The following SLC24A3 variants were observed in gnomAD, a reference collection of about 807,000 sequenced individuals.
The protein encoded by SLC24A3 is sodium/potassium/calcium exchanger 3.
SLC24A3 carries 28 observed loss-of-function variants against 75.8 expected under a neutral mutation model. The observed-to-expected ratio is 0.37, with a 90% confidence interval of 0.27 to 0.51. The LOEUF (loss-of-function observed/expected upper bound fraction) is 0.51. Among genes scored for constraint, SLC24A3 ranks in the 20% least tolerant of loss-of-function variants. SLC24A3 has a pLI of 0.94. For synonymous variants in SLC24A3, 372 were observed against 334.1 expected, an observed-to-expected ratio of 1.11 and a Z score of -1.24; for missense variants, 663 against 847.8, an observed-to-expected ratio of 0.78 and a Z score of 2.71.
At chr20:19,654,158 A>G (rs1235820127) in intron 7 of SLC24A3, 22 bp downstream of exon 7, 1 of 1,608,794 alleles carries the variant, frequency 6.2e-7, no homozygotes, top group Non-Finnish European at 8.5e-7. Flanking sequence ...TGGCCATTTC[A>G]GCTCCCATCA....
intron 2 of SLC24A3, among the ~76,000 whole-genome samples, chr20:19,361,254 G>A (rs1985782645): frequency 6.6e-6 from 1 of 152,204 alleles, no homozygotes; most frequent in Admixed American, 6.5e-5. Flanking sequence ...TGGAAATGAG[G>A]CTGCTGGATA....
At chr20:19,677,908 C>A (rs1035423861) in intron 9 of SLC24A3, among the ~76,000 whole-genome samples, 4 of 151,410 alleles carry the variant, frequency 2.6e-5, no homozygotes, top group Admixed American at 6.6e-5. Flanking sequence ...GGTGATGACT[C>A]TTAACGAGCA....
chr20:19,668,577 A>C (rs1471207924), intron 8 of SLC24A3, among the ~76,000 whole-genome samples: 1 of 152,354 alleles, frequency 6.6e-6, no homozygotes, highest in African/African-American at 2.4e-5. Flanking sequence ...TCGAAACTAC[A>C]GTACTCTTTA....
At chr20:19,307,748 A>G (rs1278568944) in intron 2 of SLC24A3, among the ~76,000 whole-genome samples, 3 of 152,206 alleles carry the variant, frequency 2.0e-5, no homozygotes, top group Admixed American at 6.5e-5. Flanking sequence ...CAGCACGTGT[A>G]TCCCAGAACT....
chr20:19,355,820 A>G (rs1985670383), intron 2 of SLC24A3, among the ~76,000 whole-genome samples: 1 of 152,210 alleles, frequency 6.6e-6, no homozygotes, highest in Non-Finnish European at 1.5e-5. Context: ...TGCCTGCTAC[A>G]TTGTAATGGG....
At chr20:19,473,748 T>C (rs1987913912) in intron 2 of SLC24A3, among the ~76,000 whole-genome samples, 1 of 152,206 alleles carries the variant, frequency 6.6e-6, no homozygotes, top group African/African-American at 2.4e-5. Flanking sequence ...GCCACTGCTA[T>C]GCAGAGGCTG....
At chr20:19,607,445 G>A (rs1262170688) in intron 6 of SLC24A3, among the ~76,000 whole-genome samples, 1 of 152,286 alleles carries the variant, frequency 6.6e-6, no homozygotes, top group Admixed American at 6.5e-5. Context: ...ACAAATGGGT[G>A]CCAGATCTTT....
chr20:19,447,328 T>A (rs1987403972), intron 2 of SLC24A3, among the ~76,000 whole-genome samples: 1 of 152,024 alleles, frequency 6.6e-6, no homozygotes, highest in African/African-American at 2.4e-5. Context: ...GGGCGTGGTG[T>A]CAAATTCCTG....
At chr20:19,490,667 A>G (rs1309239128) in intron 2 of SLC24A3, among the ~76,000 whole-genome samples, 1 of 152,226 alleles carries the variant, frequency 6.6e-6, no homozygotes, top group Non-Finnish European at 1.5e-5. Context: ...GTTAAAAAAT[A>G]AACACCATTC....
chr20:19,321,001 T>A (rs1390253514), intron 2 of SLC24A3, among the ~76,000 whole-genome samples: 1 of 152,130 alleles, frequency 6.6e-6, no homozygotes, highest in Non-Finnish European at 1.5e-5. Flanking sequence ...CATACATACA[T>A]ATGCATGTAT....
chr20:19,353,830 TC>T (rs2122328822), intron 2 of SLC24A3, among the ~76,000 whole-genome samples: 1 of 152,342 alleles, frequency 6.6e-6, no homozygotes, highest in African/African-American at 2.4e-5. Flanking sequence ...CCAAGTCTTG[TC>T]AAGGATGTGA....
At chr20:19,262,605 A>G (rs1983029578) in intron 1 of SLC24A3, among the ~76,000 whole-genome samples, 1 of 152,064 alleles carries the variant, frequency 6.6e-6, no homozygotes. Context: ...TTGTGCTACA[A>G]TGATGATGGC....
At chr20:19,614,855 T>C (rs951109093) in intron 6 of SLC24A3, among the ~76,000 whole-genome samples, 4 of 152,204 alleles carry the variant, frequency 2.6e-5, no homozygotes, top group African/African-American at 7.2e-5. Flanking sequence ...AGAAGGAAGA[T>C]GAATGATCCA....
chr20:19,218,333 G>A lies in SLC24A3; in HGVS notation c.142+5349G>A, dbSNP rs185178120. On this transcript the variant is annotated intron_variant, in intron 1 of 16. Coordinates refer to ENST00000328041, the MANE Select transcript of SLC24A3 (RefSeq NM_020689.4). ...ATCATTACCCATTTCTCATGGGATA[G>A]CACTGAGCTGAAGAAAGGTGGAGTG... Among the ~76,000 whole-genome samples, 498 of 152,288 alleles carry A rather than the reference G, an allele frequency of 3.3e-3. 3 individuals are homozygous for A. Among genetic ancestry groups the A allele is most frequent in the African/African-American group, 0.011 (456 of 41,552 alleles).
At chr20:19,490,705 C>T (rs953185228) in intron 2 of SLC24A3, among the ~76,000 whole-genome samples, 3 of 152,212 alleles carry the variant, frequency 2.0e-5, no homozygotes, top group Non-Finnish European at 4.4e-5. Context: ...ACACCTCAGA[C>T]CCACCTTCCT....
intron 2 of SLC24A3, among the ~76,000 whole-genome samples, chr20:19,469,273 G>T (rs73903111): frequency 0.024 from 3,671 of 152,202 alleles, 144 homozygotes; most frequent in African/African-American, 0.084. Flanking sequence ...AACTTCAAAG[G>T]GTCTGGGACT....
At chr20:19,592,793 C>CT (rs11471623) in intron 6 of SLC24A3, among the ~76,000 whole-genome samples, 69,217 of 117,970 alleles carry the variant, frequency 0.59, 22,130 homozygotes, top group Non-Finnish European at 0.69. Flanking sequence ...TTCTTTCTTT[C>CT]TTTCTTTTTT....
intron 3 of SLC24A3, among the ~76,000 whole-genome samples, chr20:19,573,340 C>A (rs2031082728): frequency 1.3e-5 from 2 of 152,112 alleles, no homozygotes; most frequent in African/African-American, 2.4e-5. Flanking sequence ...AGACAAAGTT[C>A]TTTAGTTTTA....
chr20:19,473,101 C>T (rs1987902256), intron 2 of SLC24A3, among the ~76,000 whole-genome samples: 1 of 152,204 alleles, frequency 6.6e-6, no homozygotes, highest in Non-Finnish European at 1.5e-5. Context: ...CTCTCCCCTC[C>T]TTCCTGAACC....
Sources: allele counts gnomAD v4.1 joint callset (sites outside exome capture counted in the v4.1 genomes callset), GRCh38; gene constraint gnomAD v4.1.1; transcripts MANE v1.5; gene names NCBI Gene and HGNC (gene_info 2026-07-23, HGNC 2026-07-21).